HMCN1: variants seen among roughly 807,000 people sequenced by gnomAD.
HMCN1 encodes hemicentin-1.
A neutral mutation model predicts 625.9 loss-of-function variants in HMCN1; 321 were observed. The ratio of observed to expected loss-of-function variants is 0.51; its 90% CI spans 0.47 to 0.56. The LOEUF (loss-of-function observed/expected upper bound fraction) is 0.56, where lower values mean the gene tolerates loss of function less well. HMCN1 is among the 20% of genes least tolerant of loss of function. The pLI is 0.00. For missense variants in HMCN1, 6,588 were observed against 6,887.3 expected, an observed-to-expected ratio of 0.96 and a Z score of 1.54; for synonymous variants, 2,425 against 2,417.6, an observed-to-expected ratio of 1.00 and a Z score of -0.09.
chr1:186,160,549 T>G (rs1260455566), intron 97 of HMCN1, among the ~76,000 whole-genome samples: 2 of 151,954 alleles, frequency 1.3e-5, no homozygotes, highest in African/African-American at 4.8e-5. Context: ...CTTTCTCTTG[T>G]GGGCATTTAG....
intron 74 of HMCN1, 27 bp downstream of exon 74, chr1:186,114,973 C>T (rs192143648): frequency 9.4e-5 from 152 of 1,613,878 alleles, no homozygotes; most frequent in Non-Finnish European, 1.1e-4. Flanking sequence ...AGACAACATC[C>T]GGTCTCTGTG....
Position 186,112,828 on chromosome 1 carries a change from G to A in HMCN1, c.11006G>A (p.Arg3669Gln), listed in dbSNP as rs745313929. The change falls in exon 72 of 107, where the codon CGA (arginine) becomes CAA (glutamine). Residue 3669 changes from arginine to glutamine, a missense_variant. Physicochemically the swap from Arg to Gln is conservative, Grantham distance 43. This residue lies in a region of HMCN1 where 4,628 missense variants were observed against 4,853.1 expected (regional missense o/e 0.95). Coordinates refer to ENST00000271588, the MANE Select transcript of HMCN1 (RefSeq NM_031935.3). ...TGAATCCAGGCAACACCTCGAGTGC[G>A]AATCCTATCTGGAGGGAGATACTTG... Reference protein sequence around the residue: ...GERLQATPRVRILSGGRYLQI... With the variant: ...GERLQATPRVQILSGGRYLQI... 18 of 1,614,034 alleles carry A rather than the reference G, an allele frequency of 1.1e-5. No homozygotes were observed. Among genetic ancestry groups the A allele is most frequent in the Admixed American group, 3.3e-5 (2 of 60,012 alleles).
chr1:185,874,780 A>G (rs1436039767), intron 4 of HMCN1, among the ~76,000 whole-genome samples: 1 of 152,028 alleles, frequency 6.6e-6, no homozygotes, highest in Non-Finnish European at 1.5e-5. Flanking sequence ...TTACTTTAAA[A>G]TATGATTGTT....
chr1:185,937,493 G>C (rs1667867954), intron 11 of HMCN1, among the ~76,000 whole-genome samples: 1 of 152,156 alleles, frequency 6.6e-6, no homozygotes, highest in South Asian at 2.1e-4. Context: ...TCCCAACGCT[G>C]TTGCATTGGA....
At chr1:185,827,504 T>A (rs1571410807) in intron 1 of HMCN1, among the ~76,000 whole-genome samples, 1 of 151,846 alleles carries the variant, frequency 6.6e-6, no homozygotes, top group East Asian at 1.9e-4. Context: ...CAAGAAAGAA[T>A]AAACACTGCT....
intron 44 of HMCN1, 35 bp from the exon 45 acceptor site, chr1:186,055,358 T>A: frequency 6.2e-7 from 1 of 1,602,270 alleles, no homozygotes; most frequent in Non-Finnish European, 8.5e-7. Context: ...AAACATTTCC[T>A]CTTTTGTTTC....
intron 4 of HMCN1, among the ~76,000 whole-genome samples, chr1:185,898,434 A>G (rs1665612676): frequency 6.6e-6 from 1 of 152,172 alleles, no homozygotes; most frequent in African/African-American, 2.4e-5. Flanking sequence ...ATTTGCTAAC[A>G]GCAAAAGTAA....
chr1:185,800,653 G>A (rs932061671), intron 1 of HMCN1, among the ~76,000 whole-genome samples: 1 of 151,940 alleles, frequency 6.6e-6, no homozygotes, highest in Non-Finnish European at 1.5e-5. Context: ...GTTTAACTTC[G>A]TTTGCAAGTG....
At chr1:186,184,492 G>T (rs1653153887) in intron 105 of HMCN1, among the ~76,000 whole-genome samples, 1 of 152,108 alleles carries the variant, frequency 6.6e-6, no homozygotes, top group African/African-American at 2.4e-5. Flanking sequence ...GACCAATCAA[G>T]AATTGCCTAA....
At chr1:186,109,497 A>C (rs1660779180) in intron 71 of HMCN1, among the ~76,000 whole-genome samples, 1 of 152,218 alleles carries the variant, frequency 6.6e-6, no homozygotes, top group African/African-American at 2.4e-5. Flanking sequence ...GAGCTCACTC[A>C]CTATCTGAGA....
rs1481777714 is a variant in HMCN1 at position 186,086,802 on chromosome 1, TA to T, written c.9046+396del. 2.4e-4 allele frequency among the ~76,000 whole-genome samples: 6 copies of T among 24,738 alleles called. No individual in the cohort carries two copies. The African/African-American group carries it at 4.9e-3, about 20-fold the overall frequency. 16.2% of individuals were successfully genotyped at this position (24,738 alleles called of 152,430 possible). A position where few individuals can be genotyped will look rare whatever the true frequency, so the allele number is the denominator to read the frequency against. ...GATAGATAGATAGATAGATGATAGA[TA>T]GATAGATAGATGATAGATAGATAGA... On this transcript the variant is annotated intron_variant, in intron 58 of 106. Transcript: ENST00000271588.
intron 2 of HMCN1, among the ~76,000 whole-genome samples, chr1:185,851,904 C>T (rs2102330425): frequency 6.6e-6 from 1 of 151,848 alleles, no homozygotes; most frequent in South Asian, 2.1e-4. Context: ...AATTGTTGAT[C>T]CCCCAAATCA....
At chr1:185,965,741 T>C (rs1650358335) in intron 13 of HMCN1, 61 bp from the exon 14 acceptor site, 1 of 950,736 alleles carries the variant, frequency 1.1e-6, no homozygotes, top group Non-Finnish European at 1.7e-6. Context: ...TTAGTAAACA[T>C]AAACAAAATC....
intron 1 of HMCN1, among the ~76,000 whole-genome samples, chr1:185,790,302 G>A (rs1450064331): frequency 1.3e-5 from 2 of 152,058 alleles, no homozygotes; most frequent in African/African-American, 4.8e-5. Context: ...TCCAACTGTT[G>A]CCAACAACAT....
chr1:186,106,394 T>C (rs1660608716), intron 69 of HMCN1, among the ~76,000 whole-genome samples: 1 of 152,226 alleles, frequency 6.6e-6, no homozygotes, highest in Non-Finnish European at 1.5e-5. Flanking sequence ...ATAACATAAC[T>C]GTTTTGTTTC....
Position 186,017,081 on chromosome 1 carries a change from T to G in HMCN1, c.5300+10T>G. 7.0e-7 allele frequency: 1 copy of G among 1,423,246 alleles called. No individual in the cohort carries two copies. Among genetic ancestry groups the G allele is most frequent in the Non-Finnish European group, 9.9e-7 (1 of 1,006,232 alleles). 88.2% of individuals were successfully genotyped at this position (1,423,246 alleles called of 1,614,324 possible). ...CCCCACCAACTATCATGTAAGGGTT[T>G]TGGTATGTCTTCTAAATACCTCCTG... On this transcript the variant is annotated intron_variant, in intron 33 of 106. Transcript: ENST00000271588.
At chr1:186,068,237 TA>T (rs1272824807) in intron 50 of HMCN1, among the ~76,000 whole-genome samples, 2 of 152,150 alleles carry the variant, frequency 1.3e-5, no homozygotes, top group African/African-American at 4.8e-5. Context: ...GAAGAATACC[TA>T]AATTAAAAGG....
chr1:186,101,795 A>C (rs369225855), intron 68 of HMCN1, among the ~76,000 whole-genome samples: 23 of 152,260 alleles, frequency 1.5e-4, no homozygotes, highest in Non-Finnish European at 3.1e-4. Context: ...TAAATAACCG[A>C]GAAGTAAGAG....
chr1:186,000,087 A>C lies in HMCN1; in HGVS notation c.3917A>C (p.Glu1306Ala). The change falls in exon 26 of 107, where the codon GAG becomes GCG. Residue 1306 changes from glutamate (E) to alanine (A), a missense_variant. Physicochemically the swap from Glu to Ala is moderately radical, Grantham distance 107. Transcript: ENST00000271588. ...ATCAAATGGTTACACAATGGTAGAG[A>C]GTTGACAGGCAGAGAGCCTGGCATT... Reference protein sequence around the residue: ...PTIKWLHNGRELTGREPGISI... With the variant: ...PTIKWLHNGRALTGREPGISI... 2 of 1,613,106 alleles carry C rather than the reference A, an allele frequency of 1.2e-6. No individual in the cohort carries two copies. Among genetic ancestry groups the C allele is most frequent in the Non-Finnish European group, 1.7e-6 (2 of 1,179,358 alleles).
Sources: gnomAD v4.1 joint callset for allele counts (sites outside exome capture counted in the v4.1 genomes callset) on GRCh38, gnomAD v4.1.1 for gene constraint, gnomAD v4.1.1 regional missense constraint, MANE v1.5 for transcripts, NCBI Gene and HGNC (gene_info 2026-07-23, HGNC 2026-07-21) for gene names.